GABRA2: variants seen among roughly 807,000 people sequenced by gnomAD.
The protein encoded by GABRA2 is gamma-aminobutyric acid type A receptor subunit alpha2.
Under a neutral mutation model 48.7 loss-of-function variants are expected in GABRA2, and 16 were observed. That is an observed-to-expected ratio of 0.33 (90% confidence interval 0.22 to 0.50). The LOEUF (loss-of-function observed/expected upper bound fraction) is 0.50. Among genes scored for constraint, GABRA2 ranks in the 20% least tolerant of loss-of-function variants. The pLI, the probability that GABRA2 is intolerant of heterozygous loss-of-function variation, is 0.98. For synonymous variants in GABRA2, 185 were observed against 184.5 expected (o/e 1.00, Z -0.02); for missense variants, 275 against 535.6 (o/e 0.51, Z 4.80).
intron 8 of GABRA2, among the ~76,000 whole-genome samples, chr4:46,290,171 TG>T (rs1723357055): frequency 1.3e-5 from 2 of 151,810 alleles, no homozygotes; most frequent in African/African-American, 4.8e-5. Context: ...CCCATAGTGC[TG>T]GGATTGCAGA....
In GABRA2 at chr4:46,265,930, G is replaced by A. The variant is rs943435923; in HGVS notation, c.857-3802C>T. On this transcript the variant is annotated intron_variant, in intron 8 of 9. Transcript: ENST00000381620. ...TTGTGATCTCTTCTTTGATTTCATG[G>A]TTATTTAGAAATGTCTTGTTTAATG... Among the ~76,000 whole-genome samples, 4 of 151,520 alleles carry A rather than the reference G, an allele frequency of 2.6e-5. No homozygotes were observed. The East Asian group carries it at 7.8e-4, about 29-fold the overall frequency.
chr4:46,274,170 TA>T (rs1720042843), intron 8 of GABRA2, among the ~76,000 whole-genome samples: 2 of 152,094 alleles, frequency 1.3e-5, no homozygotes. Context: ...AACAACCATG[TA>T]AGTAACATAT....
chr4:46,372,150 A>T (rs1330474249), intron 3 of GABRA2, among the ~76,000 whole-genome samples: 5 of 152,238 alleles, frequency 3.3e-5, no homozygotes, highest in Non-Finnish European at 5.9e-5. Flanking sequence ...TTAGAGAGTT[A>T]GCAGATGTGA....
chr4:46,328,282 GTGTGTGTGTGTGTGCGCACACGCA>G (rs751667925), intron 4 of GABRA2, among the ~76,000 whole-genome samples: 20 of 120,676 alleles, frequency 1.7e-4, no homozygotes, highest in East Asian at 2.8e-4. Context: ...GTGTGTGTGT[GTGTGTGTGTGTGTGCGCACACGCA>G]TGTGTGTGTG....
intron 9 of GABRA2, chr4:46,261,608 T>C: frequency 2.3e-6 from 1 of 444,062 alleles, no homozygotes; most frequent in South Asian, 4.0e-5. Context: ...AGATTCTTCA[T>C]GAGTAAAAAT....
chr4:46,289,464 T>C (rs963504236), intron 8 of GABRA2, among the ~76,000 whole-genome samples: 1 of 152,118 alleles, frequency 6.6e-6, no homozygotes, highest in Non-Finnish European at 1.5e-5. Flanking sequence ...AACCAAACAC[T>C]GCATATTCTC....
chr4:46,360,398 C>A (rs1338582542), intron 3 of GABRA2, among the ~76,000 whole-genome samples: 4 of 152,156 alleles, frequency 2.6e-5, no homozygotes, highest in Non-Finnish European at 5.9e-5. Context: ...AGAGATCTGA[C>A]GGTTTTAAAA....
chr4:46,272,316 T>C (rs1157616587), intron 8 of GABRA2, among the ~76,000 whole-genome samples: 2 of 152,066 alleles, frequency 1.3e-5, no homozygotes, highest in African/African-American at 4.8e-5. Context: ...TTGAGGGTAG[T>C]GCTTCATTTG....
At chr4:46,275,033 C>T (rs912314553) in intron 8 of GABRA2, among the ~76,000 whole-genome samples, 1 of 152,026 alleles carries the variant, frequency 6.6e-6, no homozygotes, top group Non-Finnish European at 1.5e-5. Context: ...ATTCATTTCC[C>T]ACCTTGGGAA....
At chr4:46,267,420 T>TA (rs1718472665) in intron 8 of GABRA2, among the ~76,000 whole-genome samples, 1 of 152,076 alleles carries the variant, frequency 6.6e-6, no homozygotes, top group South Asian at 2.1e-4. Flanking sequence ...TTAGCACAGT[T>TA]AAAGTCTTTG....
intron 8 of GABRA2, among the ~76,000 whole-genome samples, chr4:46,291,776 C>CATAT (rs560142153): frequency 0.057 from 8,296 of 144,616 alleles, 238 homozygotes; most frequent in Admixed American, 0.069. Context: ...TAAACACACA[C>CATAT]ATATATATAT....
chr4:46,252,807 A>T (rs2109387109), intron 9 of GABRA2, among the ~76,000 whole-genome samples: 1 of 151,606 alleles, frequency 6.6e-6, no homozygotes, highest in African/African-American at 2.4e-5. Context: ...ACATATAAAG[A>T]ATCTGGGCCT....
At chr4:46,308,870 GA>G (rs3836613) in intron 6 of GABRA2, among the ~76,000 whole-genome samples, 61,970 of 147,752 alleles carry the variant, frequency 0.42, 12,982 homozygotes, top group East Asian at 0.53. Flanking sequence ...CTTGTCAACT[GA>G]AAAAAAAAAA....
chr4:46,280,306 A>G (rs1483840293), intron 8 of GABRA2, among the ~76,000 whole-genome samples: 1 of 152,084 alleles, frequency 6.6e-6, no homozygotes, highest in Non-Finnish European at 1.5e-5. Context: ...GAAGGAGTGA[A>G]CTACACAGAT....
intron 8 of GABRA2, 37 bp from the exon 9 acceptor site, chr4:46,262,165 G>A (rs1717103973): frequency 6.4e-7 from 1 of 1,555,342 alleles, no homozygotes; most frequent in Non-Finnish European, 8.9e-7. Context: ...AACATCAATA[G>A]GTACTAGCAG....
intron 3 of GABRA2, chr4:46,363,951 C>T (rs1455147265): frequency 2.6e-5 from 4 of 152,124 alleles, no homozygotes; most frequent in African/African-American, 9.7e-5. Flanking sequence ...AAAAATGTAA[C>T]ATCCAATCTT....
chr4:46,344,285 A>C (rs1364260635), intron 3 of GABRA2, among the ~76,000 whole-genome samples: 4 of 151,992 alleles, frequency 2.6e-5, no homozygotes, highest in Non-Finnish European at 5.9e-5. Context: ...ATTCCTAGGA[A>C]GGAAAGAGTG....
At chr4:46,320,390 A>T (rs564926687) in intron 4 of GABRA2, among the ~76,000 whole-genome samples, 1 of 152,020 alleles carries the variant, frequency 6.6e-6, no homozygotes, top group African/African-American at 2.4e-5. Context: ...TGTTTTGAAC[A>T]TCACTCCAAA....
chr4:46,263,767 T>A (rs1717527338), intron 8 of GABRA2, among the ~76,000 whole-genome samples: 2 of 152,108 alleles, frequency 1.3e-5, no homozygotes, highest in African/African-American at 4.8e-5. Context: ...TTTGTTATGG[T>A]CATTTTGTTC....
Sources: allele counts gnomAD v4.1 joint callset (sites outside exome capture counted in the v4.1 genomes callset), GRCh38; gene constraint gnomAD v4.1.1; transcripts MANE v1.5; gene names NCBI Gene and HGNC (gene_info 2026-07-23, HGNC 2026-07-21).